PCDH9: variants seen among roughly 807,000 people sequenced by gnomAD.
PCDH9 encodes protocadherin-9.
A neutral mutation model predicts 70.6 loss-of-function variants in PCDH9; 24 were observed. The observed-to-expected ratio is 0.34, with a 90% CI of 0.25 to 0.48. The LOEUF (loss-of-function observed/expected upper bound fraction) is 0.48, where lower values mean the gene tolerates loss of function less well. PCDH9 is among the 20% of genes least tolerant of loss of function. The pLI is 0.99. For synonymous variants in PCDH9, 562 were observed against 558.5 expected, an observed-to-expected ratio of 1.01 and a Z score of -0.09; for missense variants, 1,281 against 1,503.6, an observed-to-expected ratio of 0.85 and a Z score of 2.45.
intron 2 of PCDH9, among the ~76,000 whole-genome samples, chr13:67,068,888 A>G (rs2085703840): frequency 1.3e-5 from 2 of 152,214 alleles, no homozygotes; most frequent in Non-Finnish European, 2.9e-5. Flanking sequence ...ATGTGCTCAC[A>G]TGTTACTTTC....
chr13:66,934,220 C>T (rs981576850), intron 2 of PCDH9, among the ~76,000 whole-genome samples: 3 of 152,020 alleles, frequency 2.0e-5, no homozygotes, highest in Non-Finnish European at 4.4e-5. Flanking sequence ...CTTCACCAGT[C>T]TCTACCACCT....
chr13:67,177,514 C>G (rs2088495425), intron 2 of PCDH9, among the ~76,000 whole-genome samples: 1 of 152,050 alleles, frequency 6.6e-6, no homozygotes. Context: ...GACCCTCTTT[C>G]CTTTGTTGAT....
At chr13:66,970,476 A>T (rs1301275008) in intron 2 of PCDH9, among the ~76,000 whole-genome samples, 1 of 151,550 alleles carries the variant, frequency 6.6e-6, no homozygotes, top group Non-Finnish European at 1.5e-5. Context: ...CAAAAAAAAT[A>T]ATAAATAATA....
chr13:66,647,537 C>A (rs2077788394), intron 3 of PCDH9, among the ~76,000 whole-genome samples: 1 of 152,116 alleles, frequency 6.6e-6, no homozygotes, highest in Admixed American at 6.5e-5. Context: ...CCTGAATAAT[C>A]AGCAGCGGTA....
chr13:66,470,398 C>T (rs1391259318), intron 4 of PCDH9, among the ~76,000 whole-genome samples: 2 of 152,166 alleles, frequency 1.3e-5, no homozygotes, highest in African/African-American at 4.8e-5. Context: ...AATGTAGGTA[C>T]TTTTGTAAGA....
chr13:66,917,849 C>T (rs1467076183), intron 2 of PCDH9, among the ~76,000 whole-genome samples: 2 of 151,330 alleles, frequency 1.3e-5, no homozygotes, highest in African/African-American at 4.8e-5. Context: ...CTCTGCTATA[C>T]CCAAATCCCC....
intron 4 of PCDH9, among the ~76,000 whole-genome samples, chr13:66,488,066 G>T (rs568409130): frequency 6.6e-6 from 1 of 152,264 alleles, no homozygotes; most frequent in East Asian, 1.9e-4. Context: ...CCCTGGCTTT[G>T]TTTTCATGGT....
chr13:66,527,569 A>G (rs1054792996), intron 4 of PCDH9, among the ~76,000 whole-genome samples: 5 of 152,152 alleles, frequency 3.3e-5, no homozygotes, highest in Non-Finnish European at 7.3e-5. Context: ...TGGACTGCCT[A>G]ATATATTTTG....
intron 3 of PCDH9, among the ~76,000 whole-genome samples, chr13:66,632,191 A>G (rs946182283): frequency 2.0e-5 from 3 of 152,184 alleles, no homozygotes; most frequent in African/African-American, 7.2e-5. Flanking sequence ...CACCATGCCC[A>G]GCCCACCTGC....
At chr13:67,095,698 C>A (rs1357633349) in intron 2 of PCDH9, among the ~76,000 whole-genome samples, 1 of 152,098 alleles carries the variant, frequency 6.6e-6, no homozygotes, top group Non-Finnish European at 1.5e-5. Context: ...CTATAAAATG[C>A]CTACCATAAT....
Position 66,970,684 on chromosome 13 carries a change from T to A in PCDH9, c.3037-67079A>T, listed in dbSNP as rs146716051. On this transcript the variant is annotated intron_variant, in intron 2 of 4. Coordinates refer to ENST00000377865, the MANE Select transcript of PCDH9 (RefSeq NM_203487.3). Reference sequence around the variant, plus strand: ...TGCTTAGCCCCCATTCTCACACATATCCAGGATTTTTCTCCTTAGTCCTCA... The same window carrying A: ...TGCTTAGCCCCCATTCTCACACATAACCAGGATTTTTCTCCTTAGTCCTCA... Among the ~76,000 whole-genome samples the A allele has an allele frequency of 1.6e-3, 232 of 145,414 alleles. 1 individual carries two copies. Among genetic ancestry groups the A allele is most frequent in the African/African-American group, 5.5e-3 (217 of 39,478 alleles).
At chr13:66,761,872 T>C (rs2079634007) in intron 3 of PCDH9, among the ~76,000 whole-genome samples, 1 of 152,168 alleles carries the variant, frequency 6.6e-6, no homozygotes, top group East Asian at 1.9e-4. Flanking sequence ...TACATCTTCA[T>C]CTCTTTAGGA....
intron 3 of PCDH9, among the ~76,000 whole-genome samples, chr13:66,751,271 T>C (rs2079454156): frequency 6.6e-6 from 1 of 152,122 alleles, no homozygotes; most frequent in African/African-American, 2.4e-5. Flanking sequence ...AATTCTTCTA[T>C]CTCCTATTTC....
At chr13:67,078,406 T>G (rs1221075482) in intron 2 of PCDH9, among the ~76,000 whole-genome samples, 1 of 152,182 alleles carries the variant, frequency 6.6e-6, no homozygotes, top group Non-Finnish European at 1.5e-5. Flanking sequence ...CTTTCCCCTT[T>G]ATTCTTCAAT....
intron 3 of PCDH9, among the ~76,000 whole-genome samples, chr13:66,891,813 T>C (rs2082100132): frequency 6.7e-6 from 1 of 150,226 alleles, no homozygotes; most frequent in Non-Finnish European, 1.5e-5. Context: ...CTACATGTAT[T>C]CCATTTTTTT....
chr13:66,835,901 T>C (rs1043094028), intron 3 of PCDH9, among the ~76,000 whole-genome samples: 6 of 152,252 alleles, frequency 3.9e-5, no homozygotes, highest in East Asian at 3.9e-4. Context: ...GAAAAAAACT[T>C]AAATATGACC....
At chr13:66,770,173 A>T (rs1253608024) in intron 3 of PCDH9, among the ~76,000 whole-genome samples, 1 of 152,142 alleles carries the variant, frequency 6.6e-6, no homozygotes, top group Non-Finnish European at 1.5e-5. Flanking sequence ...TAGAAAAGAT[A>T]CTACTTATAT....
At chr13:66,784,880 AT>A (rs2080055299) in intron 3 of PCDH9, among the ~76,000 whole-genome samples, 1 of 152,112 alleles carries the variant, frequency 6.6e-6, no homozygotes, top group Non-Finnish European at 1.5e-5. Context: ...AATTGCCCTG[AT>A]CTTACTTTAT....
chr13:66,918,306 T>C (rs1298784752), intron 2 of PCDH9, among the ~76,000 whole-genome samples: 3 of 151,268 alleles, frequency 2.0e-5, no homozygotes, highest in Non-Finnish European at 3.0e-5. Flanking sequence ...AAGACTTTAG[T>C]GTTCATTTGT....
Sources: gnomAD v4.1 joint callset for allele counts (sites outside exome capture counted in the v4.1 genomes callset) on GRCh38, gnomAD v4.1.1 for gene constraint, MANE v1.5 for transcripts, NCBI Gene and HGNC (gene_info 2026-07-23, HGNC 2026-07-21) for gene names.